Variants in NPAS3 observed in about 807,000 individuals in gnomAD.
NPAS3 encodes the protein neuronal PAS domain-containing protein 3.
In NPAS3, 14 loss-of-function variants were observed where a neutral mutation model predicts 73.1. The ratio of observed to expected loss-of-function variants is 0.19; its 90% CI spans 0.13 to 0.30. NPAS3 has a LOEUF of 0.30. NPAS3 is among the 10% of genes least tolerant of loss of function. The pLI is 1.00. For missense variants in NPAS3, 1,096 were observed against 1,250.0 expected, an observed-to-expected ratio of 0.88 and a Z score of 1.86; for synonymous variants, 620 against 541.5, an observed-to-expected ratio of 1.14 and a Z score of -2.01.
chr14:33,455,519 G>A (rs2049987020), intron 4 of NPAS3, among the ~76,000 whole-genome samples: 1 of 152,206 alleles, frequency 6.6e-6, no homozygotes, highest in Admixed American at 6.5e-5. Flanking sequence ...TGTGCTGTAT[G>A]TTGACCCATG....
At chr14:33,036,310 G>A (rs1301180121) in intron 1 of NPAS3, among the ~76,000 whole-genome samples, 3 of 152,064 alleles carry the variant, frequency 2.0e-5, no homozygotes, top group Non-Finnish European at 4.4e-5. Flanking sequence ...AATAACTGCT[G>A]GCAGCTTGAT....
intron 3 of NPAS3, among the ~76,000 whole-genome samples, chr14:33,248,773 A>G (rs2048477104): frequency 6.6e-6 from 1 of 152,210 alleles, no homozygotes; most frequent in Admixed American, 6.5e-5. Flanking sequence ...TCTGTGACCA[A>G]GCAGTCAGGC....
chr14:33,090,908 A>C (rs2138807324), intron 2 of NPAS3, among the ~76,000 whole-genome samples: 1 of 152,366 alleles, frequency 6.6e-6, no homozygotes, highest in African/African-American at 2.4e-5. Flanking sequence ...TGGGTACATA[A>C]CGAAATGAAG....
intron 1 of NPAS3, among the ~76,000 whole-genome samples, chr14:32,990,534 A>G (rs1445118394): frequency 6.6e-6 from 1 of 152,166 alleles, no homozygotes; most frequent in Non-Finnish European, 1.5e-5. Flanking sequence ...TGTTTTAGTA[A>G]TAATGGAAGG....
At chr14:32,966,902 A>C (rs558234289) in intron 1 of NPAS3, among the ~76,000 whole-genome samples, 78 of 152,348 alleles carry the variant, frequency 5.1e-4, no homozygotes, top group Non-Finnish European at 8.1e-4. Flanking sequence ...AAGCACAGGC[A>C]ACAAAAGCAA....
At chr14:33,685,623 C>CACTA (rs1242210234) in intron 6 of NPAS3, among the ~76,000 whole-genome samples, 3 of 152,148 alleles carry the variant, frequency 2.0e-5, no homozygotes, top group Non-Finnish European at 4.4e-5. Context: ...GAGCAGATTT[C>CACTA]ACTAACTAAC....
At chr14:33,637,648 T>A (rs2058559295) in intron 5 of NPAS3, among the ~76,000 whole-genome samples, 1 of 152,246 alleles carries the variant, frequency 6.6e-6, no homozygotes, top group South Asian at 2.1e-4. Flanking sequence ...CAAGGTTTAA[T>A]TTATTTGTAG....
At chr14:33,721,765 G>C (rs2061118791) in intron 6 of NPAS3, among the ~76,000 whole-genome samples, 1 of 152,158 alleles carries the variant, frequency 6.6e-6, no homozygotes, top group Non-Finnish European at 1.5e-5. Flanking sequence ...AAAACATGAG[G>C]ATAAGCACTA....
intron 4 of NPAS3, among the ~76,000 whole-genome samples, chr14:33,392,261 C>G (rs917556262): frequency 2.6e-5 from 4 of 151,996 alleles, no homozygotes; most frequent in African/African-American, 9.7e-5. Context: ...AAATATAAGC[C>G]AGAAGGAAAG....
chr14:33,178,961 T>C (rs2045697432), intron 2 of NPAS3, among the ~76,000 whole-genome samples: 1 of 152,206 alleles, frequency 6.6e-6, no homozygotes, highest in African/African-American at 2.4e-5. Context: ...TTTGCAAATG[T>C]CTTTTTTCGT....
At chr14:33,532,769 G>A (rs1318978366) in intron 4 of NPAS3, among the ~76,000 whole-genome samples, 1 of 152,048 alleles carries the variant, frequency 6.6e-6, no homozygotes, top group Non-Finnish European at 1.5e-5. Context: ...CTGTTGTGTA[G>A]TAAATGACCG....
intron 4 of NPAS3, among the ~76,000 whole-genome samples, chr14:33,431,478 C>T (rs1419237354): frequency 6.6e-6 from 1 of 152,052 alleles, no homozygotes; most frequent in Non-Finnish European, 1.5e-5. Flanking sequence ...GAATTGCTGT[C>T]GATTCTAGAA....
chr14:32,938,541 T>G (rs1472904339), upstream of NPAS3, among the ~76,000 whole-genome samples: 1 of 72,252 alleles, frequency 1.4e-5, no homozygotes, highest in Admixed American at 1.2e-4. Flanking sequence ...GGGAGGTGTG[T>G]GTCTGCGTAC....
At chr14:33,072,361 T>A (rs1331089666) in intron 2 of NPAS3, among the ~76,000 whole-genome samples, 1 of 152,218 alleles carries the variant, frequency 6.6e-6, no homozygotes, top group African/African-American at 2.4e-5. Flanking sequence ...TCTAGTATTA[T>A]CACAGAGCAG....
At chr14:33,257,138 C>T (rs1303831391) in intron 3 of NPAS3, among the ~76,000 whole-genome samples, 2 of 152,194 alleles carry the variant, frequency 1.3e-5, no homozygotes, top group African/African-American at 4.8e-5. Flanking sequence ...CTATCTGTCC[C>T]AACCCTCCTT....
intron 1 of NPAS3, among the ~76,000 whole-genome samples, chr14:32,939,913 C>T (rs957980371): frequency 3.3e-5 from 5 of 152,034 alleles, no homozygotes; most frequent in Non-Finnish European, 7.4e-5. Context: ...GGGCCGGCTC[C>T]GTCTCCGCGC....
At chr14:33,378,364 C>T (rs188537698) in intron 4 of NPAS3, among the ~76,000 whole-genome samples, 28 of 152,272 alleles carry the variant, frequency 1.8e-4, no homozygotes, top group South Asian at 1.0e-3. Flanking sequence ...ACACAGTTCA[C>T]CTCCTTCACT....
At chr14:33,651,885 C>T (rs549416113) in intron 5 of NPAS3, among the ~76,000 whole-genome samples, 4 of 152,210 alleles carry the variant, frequency 2.6e-5, no homozygotes, top group East Asian at 1.9e-4. Context: ...TAGCACCCAG[C>T]GTTTCCATTA....
At chr14:33,039,317 A>T (rs1020099328) in intron 1 of NPAS3, among the ~76,000 whole-genome samples, 7 of 152,178 alleles carry the variant, frequency 4.6e-5, no homozygotes, top group Non-Finnish European at 1.0e-4. Flanking sequence ...TGCTACCAAT[A>T]GAGGCCTAAT....
Sources: gnomAD v4.1 joint callset for allele counts (sites outside exome capture counted in the v4.1 genomes callset) on GRCh38, gnomAD v4.1.1 for gene constraint, MANE v1.5 for transcripts, NCBI Gene and HGNC (gene_info 2026-07-23, HGNC 2026-07-21) for gene names.